Variants in PDLIM5 observed in about 807,000 individuals in gnomAD.
PDLIM5 encodes PDZ and LIM domain protein 5.
Under a neutral mutation model 64.2 loss-of-function variants are expected in PDLIM5, and 34 were observed. The ratio of observed to expected loss-of-function variants is 0.53; its 90% confidence interval spans 0.40 to 0.71. The LOEUF is 0.71. PDLIM5 is among the 30% of genes least tolerant of loss of function. The pLI, the probability that PDLIM5 is intolerant of heterozygous loss-of-function variation, is 0.00. For synonymous variants in PDLIM5, 253 were observed against 269.1 expected, an observed-to-expected ratio of 0.94 and a Z score of 0.59; for missense variants, 683 against 733.6, an observed-to-expected ratio of 0.93 and a Z score of 0.80.
intron 7 of PDLIM5, among the ~76,000 whole-genome samples, chr4:94,589,929 C>CA (rs70946538): frequency 1 from 151,420 of 152,170 alleles, 75,336 homozygotes; most frequent in East Asian, 1. Flanking sequence ...TGTGCACCAC[C>CA]TGCCCAGCTA....
chr4:94,554,630 A>T (rs1240683004), intron 3 of PDLIM5, among the ~76,000 whole-genome samples: 2 of 152,216 alleles, frequency 1.3e-5, no homozygotes, highest in African/African-American at 4.8e-5. Flanking sequence ...TCACGTAATT[A>T]TAATTTTGAC....
At chr4:94,468,548 A>G (rs1724573034) in intron 2 of PDLIM5, among the ~76,000 whole-genome samples, 1 of 152,196 alleles carries the variant, frequency 6.6e-6, no homozygotes, top group South Asian at 2.1e-4. Context: ...GTGCATATTT[A>G]GGCTTGTCTG....
intron 4 of PDLIM5, among the ~76,000 whole-genome samples, chr4:94,574,635 G>C (rs1189160372): frequency 6.6e-6 from 1 of 151,824 alleles, no homozygotes; most frequent in Non-Finnish European, 1.5e-5. Flanking sequence ...ATTTATTCTT[G>C]ATCTGAAGTC....
intron 5 of PDLIM5, chr4:94,579,573 A>T: frequency 8.2e-7 from 1 of 1,221,860 alleles, no homozygotes; most frequent in South Asian, 1.6e-5. Flanking sequence ...AAATATGGTG[A>T]TTTATATATG....
At chr4:94,478,778 C>A (rs148121004) in intron 2 of PDLIM5, among the ~76,000 whole-genome samples, 406 of 151,166 alleles carry the variant, frequency 2.7e-3, no homozygotes, top group African/African-American at 8.9e-3. Flanking sequence ...AGGCCGCTTG[C>A]TGAAATATAT....
rs767454147 is a variant in PDLIM5 at position 94,575,833 on chromosome 4, C to G, written c.509C>G (p.Thr170Ser). Reference protein sequence around the residue: ...HASPSPVAAVTPPLFAASGLH... With the variant: ...HASPSPVAAVSPPLFAASGLH... Reference sequence around the variant, plus strand: ...TCCCCTTCACCCGTGGCTGCCGTCACTCCTCCCCTGTTCGCTGCATCTGGA... The same window carrying G: ...TCCCCTTCACCCGTGGCTGCCGTCAGTCCTCCCCTGTTCGCTGCATCTGGA... Residue 170 changes from threonine to serine, a missense_variant, in exon 5 of 13, where the codon ACT becomes AGT. By Grantham distance (58) the Thr-to-Ser change is moderately conservative. Transcript: ENST00000317968. 2.7e-5 allele frequency: 43 copies of G among 1,614,060 alleles called. No homozygotes were observed. Among genetic ancestry groups the G allele is most frequent in the Non-Finnish European group, 3.6e-5 (43 of 1,180,030 alleles).
chr4:94,606,355 G>A (rs1475610631), intron 7 of PDLIM5, among the ~76,000 whole-genome samples: 2 of 152,148 alleles, frequency 1.3e-5, no homozygotes, highest in African/African-American at 2.4e-5. Context: ...GTGGCTTGGG[G>A]AATCAGGGAG....
intron 1 of PDLIM5, among the ~76,000 whole-genome samples, chr4:94,453,007 T>G (rs963747129): frequency 7.9e-5 from 12 of 152,314 alleles, no homozygotes; most frequent in African/African-American, 1.7e-4. Flanking sequence ...CCTTTTTTTT[T>G]GTCACTCTGT....
At chr4:94,581,751 C>T (rs1036600240) in intron 5 of PDLIM5, among the ~76,000 whole-genome samples, 1 of 152,140 alleles carries the variant, frequency 6.6e-6, no homozygotes, top group African/African-American at 2.4e-5. Flanking sequence ...TGTTCTTTGG[C>T]AAACTATACA....
At chr4:94,475,541 A>C (rs1331136783) in intron 2 of PDLIM5, among the ~76,000 whole-genome samples, 1 of 152,208 alleles carries the variant, frequency 6.6e-6, no homozygotes, top group African/African-American at 2.4e-5. Flanking sequence ...TAAAAGTTGT[A>C]GTCTTTCTTT....
At chr4:94,635,117 T>C (rs1740452894) in intron 8 of PDLIM5, among the ~76,000 whole-genome samples, 1 of 152,162 alleles carries the variant, frequency 6.6e-6, no homozygotes, top group Non-Finnish European at 1.5e-5. Flanking sequence ...ATTTTAAAGT[T>C]AACGAAAGAG....
intron 2 of PDLIM5, among the ~76,000 whole-genome samples, chr4:94,488,103 G>T (rs148073882): frequency 6.6e-6 from 1 of 152,308 alleles, no homozygotes; most frequent in Non-Finnish European, 1.5e-5. Flanking sequence ...TTTGGTGAAT[G>T]CATCTTTCAC....
At chr4:94,629,617 G>A (rs983951219) in intron 8 of PDLIM5, among the ~76,000 whole-genome samples, 3 of 152,166 alleles carry the variant, frequency 2.0e-5, no homozygotes, top group Non-Finnish European at 4.4e-5. Context: ...TTAAGATATT[G>A]TAGATCCAGT....
chr4:94,641,581 A>G (rs1170999425), intron 9 of PDLIM5, among the ~76,000 whole-genome samples: 1 of 152,220 alleles, frequency 6.6e-6, no homozygotes, highest in Non-Finnish European at 1.5e-5. Flanking sequence ...TTCACACATA[A>G]TCCCACCTCC....
intron 2 of PDLIM5, among the ~76,000 whole-genome samples, chr4:94,464,398 C>T (rs1724163573): frequency 6.6e-6 from 1 of 152,054 alleles, no homozygotes; most frequent in South Asian, 2.1e-4. Flanking sequence ...ATTAACAGCC[C>T]AGTATTTTTC....
At chr4:94,497,325 G>T (rs1479503733) in intron 2 of PDLIM5, among the ~76,000 whole-genome samples, 3 of 152,142 alleles carry the variant, frequency 2.0e-5, no homozygotes. Context: ...GTATTTTAAA[G>T]TTGAGAAGAT....
At chr4:94,621,504 A>G (rs1442284221) in intron 8 of PDLIM5, among the ~76,000 whole-genome samples, 1 of 152,224 alleles carries the variant, frequency 6.6e-6, no homozygotes, top group Non-Finnish European at 1.5e-5. Context: ...AAAGCAACGA[A>G]AAGACTAAAT....
intron 8 of PDLIM5, among the ~76,000 whole-genome samples, chr4:94,625,546 A>T (rs111574334): frequency 6.6e-6 from 1 of 150,610 alleles, no homozygotes; most frequent in South Asian, 2.1e-4. Flanking sequence ...TCCACCTCCC[A>T]GGTTCACGCC....
In PDLIM5 at chr4:94,618,135, C is replaced by A; in HGVS notation, c.1052C>A (p.Pro351His). 6 of 1,611,696 alleles carry A rather than the reference C, an allele frequency of 3.7e-6. No homozygotes were observed. In the South Asian group the frequency reaches 6.6e-5, roughly 18 times the overall value. The part of the protein sequence containing the change: ...TSLTAAAAFK[P>H]VGSTGVIKSP... The stretch of plus-strand genomic sequence containing the variant: ...CTCACAGCTGCAGCTGCCTTCAAGC[C>A]TGTAGGATCCACTGGCGTCATCAAG... Residue 351 changes from proline to histidine, a missense_variant, in exon 8 of 13, where the codon CCT (proline) becomes CAT (histidine). Physicochemically the swap from Pro to His is moderately conservative, Grantham distance 77. Transcript: ENST00000317968.
Sources: allele counts gnomAD v4.1 joint callset (sites outside exome capture counted in the v4.1 genomes callset), GRCh38; gene constraint gnomAD v4.1.1; transcripts MANE v1.5; gene names NCBI Gene and HGNC (gene_info 2026-07-23, HGNC 2026-07-21).